Variants in PLPPR5 observed in about 807,000 individuals in gnomAD.
The protein encoded by PLPPR5 is phospholipid phosphatase-related protein type 5.
A neutral mutation model predicts 33.9 loss-of-function variants in PLPPR5; 16 were observed. That is an observed-to-expected ratio of 0.47 (90% CI 0.32 to 0.72). The LOEUF (loss-of-function observed/expected upper bound fraction) is 0.72. Among genes scored for constraint, PLPPR5 ranks in the 30% least tolerant of loss-of-function variants. PLPPR5 has a pLI of 0.03. For synonymous variants in PLPPR5, 163 were observed against 150.3 expected (o/e 1.08, Z -0.62); for missense variants, 301 against 406.7 (o/e 0.74, Z 2.23).
intron 3 of PLPPR5, among the ~76,000 whole-genome samples, chr1:98,947,462 T>G (rs1650598661): frequency 6.6e-6 from 1 of 152,214 alleles, no homozygotes; most frequent in African/African-American, 2.4e-5. Context: ...CTTAACTGTT[T>G]ATTATCATCC....
intron 4 of PLPPR5, among the ~76,000 whole-genome samples, chr1:98,917,991 C>T (rs1185562587): frequency 6.6e-6 from 1 of 152,182 alleles, no homozygotes; most frequent in African/African-American, 2.4e-5. Context: ...TCTGGTTTTA[C>T]ATTAGTGACT....
At chr1:98,971,384 T>A (rs900822686) in intron 1 of PLPPR5, among the ~76,000 whole-genome samples, 1 of 152,026 alleles carries the variant, frequency 6.6e-6, no homozygotes, top group African/African-American at 2.4e-5. Context: ...AGCTTTCCTA[T>A]TGATTATAAA....
chr1:98,949,367 A>ACTT (rs1306608169), intron 3 of PLPPR5, among the ~76,000 whole-genome samples: 3 of 152,132 alleles, frequency 2.0e-5, no homozygotes, highest in Non-Finnish European at 4.4e-5. Flanking sequence ...ATGTTAAGGG[A>ACTT]GAGTTCAAAT....
chr1:98,912,847 T>C (rs369875734), intron 5 of PLPPR5, among the ~76,000 whole-genome samples: 3 of 152,200 alleles, frequency 2.0e-5, no homozygotes, highest in African/African-American at 7.2e-5. Context: ...ACTTGACACA[T>C]ACTGATGATC....
chr1:99,000,361 T>C (rs1039351820), intron 1 of PLPPR5, among the ~76,000 whole-genome samples: 7 of 152,182 alleles, frequency 4.6e-5, no homozygotes, highest in African/African-American at 1.7e-4. Flanking sequence ...AAAAATGTCC[T>C]AAACCACCAC....
At chr1:98,969,378 T>G (rs1247831812) in intron 1 of PLPPR5, among the ~76,000 whole-genome samples, 3 of 151,940 alleles carry the variant, frequency 2.0e-5, no homozygotes, top group Admixed American at 1.3e-4. Context: ...AGAGGGAAGT[T>G]TAAAATAAAA....
chr1:98,949,790 T>C (rs1324872981), intron 3 of PLPPR5, among the ~76,000 whole-genome samples: 1 of 152,090 alleles, frequency 6.6e-6, no homozygotes, highest in Non-Finnish European at 1.5e-5. Context: ...AGAGTTGCCA[T>C]AGCAGCCACC....
intron 1 of PLPPR5, among the ~76,000 whole-genome samples, chr1:98,961,602 T>C (rs1651253890): frequency 1.3e-5 from 2 of 152,250 alleles, no homozygotes; most frequent in African/African-American, 4.8e-5. Flanking sequence ...TTTCCATTAA[T>C]AATTGATATT....
At chr1:98,898,697 A>G (rs548097829) in intron 5 of PLPPR5, among the ~76,000 whole-genome samples, 19 of 152,196 alleles carry the variant, frequency 1.2e-4, no homozygotes, top group Admixed American at 7.2e-4. Flanking sequence ...AGTTGGAGAC[A>G]TAAAAGCTAT....
intron 2 of PLPPR5, 147 bp downstream of exon 2, chr1:98,956,462 A>G (rs367672639): frequency 1.4e-6 from 1 of 737,588 alleles, no homozygotes; most frequent in South Asian, 2.6e-5. Flanking sequence ...AGCAGTGTGT[A>G]ATGTTTATTT....
intron 5 of PLPPR5, among the ~76,000 whole-genome samples, chr1:98,895,108 A>G (rs778510416): frequency 5.3e-5 from 8 of 152,082 alleles, no homozygotes; most frequent in Non-Finnish European, 1.2e-4. Flanking sequence ...TAAAATGCAC[A>G]TGTTGGAAAC....
chr1:98,994,196 G>A (rs1209659231), intron 1 of PLPPR5, among the ~76,000 whole-genome samples: 2 of 151,846 alleles, frequency 1.3e-5, no homozygotes, highest in African/African-American at 4.8e-5. Flanking sequence ...GAGAGGGAGG[G>A]AGAAAGGAAA....
At chr1:98,920,605 A>AAAAAAAAAAAAAAAAAAAC in intron 4 of PLPPR5, among the ~76,000 whole-genome samples, 1 of 149,850 alleles carries the variant, frequency 6.7e-6, no homozygotes, top group Non-Finnish European at 1.5e-5. Context: ...AAAAAAAAAA[A>AAAAAAAAAAAAAAAAAAAC]AAAAGCAGCA....
chr1:98,900,654 A>G (rs758635094), intron 5 of PLPPR5, among the ~76,000 whole-genome samples: 3 of 152,078 alleles, frequency 2.0e-5, no homozygotes, highest in Non-Finnish European at 4.4e-5. Context: ...TAGTTATTTC[A>G]TTTTCCTTTA....
intron 1 of PLPPR5, among the ~76,000 whole-genome samples, chr1:98,983,590 T>C (rs1472372482): frequency 1.3e-5 from 2 of 151,552 alleles, no homozygotes; most frequent in Admixed American, 6.6e-5. Context: ...TATAGTCCTT[T>C]GGGTATATAC....
At chr1:98,989,726 G>T (rs1652383010) in intron 1 of PLPPR5, among the ~76,000 whole-genome samples, 1 of 152,156 alleles carries the variant, frequency 6.6e-6, no homozygotes, top group Non-Finnish European at 1.5e-5. Context: ...AAACAAGCCA[G>T]TTCTGGCTGG....
chr1:98,968,801 A>C (rs973523756), intron 1 of PLPPR5, among the ~76,000 whole-genome samples: 2 of 152,082 alleles, frequency 1.3e-5, no homozygotes, highest in Admixed American at 6.6e-5. Context: ...TGTATTCAGC[A>C]TATAGATAAG....
intron 1 of PLPPR5, 57 bp from the exon 2 acceptor site, chr1:98,956,798 A>C: frequency 7.5e-7 from 1 of 1,330,636 alleles, no homozygotes; most frequent in Non-Finnish European, 1.0e-6. Flanking sequence ...TAAATGTAAA[A>C]TATTTTTATT....
At chr1:98,997,729 G>A (rs936368076) in intron 1 of PLPPR5, among the ~76,000 whole-genome samples, 12 of 152,200 alleles carry the variant, frequency 7.9e-5, no homozygotes, top group African/African-American at 2.4e-4. Flanking sequence ...TGCAAGCAGT[G>A]CTAACCATCT....
Sources: allele counts gnomAD v4.1 joint callset (sites outside exome capture counted in the v4.1 genomes callset), GRCh38; gene constraint gnomAD v4.1.1; transcripts MANE v1.5; gene names NCBI Gene and HGNC (gene_info 2026-07-23, HGNC 2026-07-21).